Variants in ANKS6 observed in about 807,000 individuals in gnomAD.
The protein encoded by ANKS6 is ankyrin repeat and sterile alpha motif domain containing 6.
ANKS6 carries 47 observed loss-of-function variants against 77.9 expected under a neutral mutation model. That is an observed-to-expected ratio of 0.60 (90% CI 0.48 to 0.77). The LOEUF (loss-of-function observed/expected upper bound fraction) is 0.77. Among genes scored for constraint, ANKS6 ranks in the 30% least tolerant of loss-of-function variants. The pLI is 0.00. For missense variants in ANKS6, 1,150 were observed against 1,159.1 expected, an observed-to-expected ratio of 0.99 and a Z score of 0.11; for synonymous variants, 488 against 501.7, an observed-to-expected ratio of 0.97 and a Z score of 0.37.
At position 98,740,006 on chromosome 9, in the gene ANKS6, C is replaced by T. The variant is rs528405018; in HGVS notation, c.2512-3383G>A. Among the ~76,000 whole-genome samples, 124 of 152,074 alleles carry T rather than the reference C, an allele frequency of 8.2e-4. 1 individual carries two copies. Among genetic ancestry groups the T allele is most frequent in the African/African-American group, 2.9e-3 (119 of 41,468 alleles). On this transcript the variant is annotated intron_variant, in intron 14 of 14. Transcript: ENST00000353234. ...TCCTGACCTCGTGATCCGCCCGCCT[C>T]GGCCTCCCAAAGTGGGATTAAACAT... is the stretch of plus-strand genomic sequence containing the variant.
chr9:98,781,423 C>T (rs1834248810), intron 5 of ANKS6, among the ~76,000 whole-genome samples: 1 of 152,154 alleles, frequency 6.6e-6, no homozygotes, highest in Admixed American at 6.5e-5. Flanking sequence ...TGGCTGCGGA[C>T]TGATTCCGAA....
At chr9:98,782,175 G>T (rs1588404303) in intron 5 of ANKS6, among the ~76,000 whole-genome samples, 1 of 152,184 alleles carries the variant, frequency 6.6e-6, no homozygotes, top group South Asian at 2.1e-4. Flanking sequence ...CCATTCTAGG[G>T]TGTGTGTGGA....
Position 98,735,847 on chromosome 9 carries a change from G to C in ANKS6, c.*672C>G. The C allele has an allele frequency of 8.1e-7, 1 of 1,231,784 alleles. No homozygotes were observed. The highest frequency in any genetic ancestry group is 1.0e-6 in the Non-Finnish European group (1 of 988,032). 76.3% of individuals were successfully genotyped at this position (1,231,784 alleles called of 1,614,324 possible). A position where few individuals can be genotyped will look rare whatever the true frequency, so the allele number is the denominator to read the frequency against. ...CTGTATGCAGCAGGTGCAGTGGAAT[G>C]CTACAGCAGTCACATACACAGCACT... On this transcript the variant is annotated 3_prime_UTR_variant, in exon 15 of 15. Coordinates refer to ENST00000353234, the MANE Select transcript of ANKS6 (RefSeq NM_173551.5).
chr9:98,756,577 T>A lies in ANKS6; in HGVS notation c.2169A>T (p.Pro723=), dbSNP rs372906336. 1.3e-5 allele frequency: 20 copies of A among 1,551,836 alleles called. No individual in the cohort carries two copies. The highest frequency in any genetic ancestry group is 1.6e-5 in the Non-Finnish European group (19 of 1,152,514). The change falls in exon 12 of 15, where the codon CCA becomes CCT. Residue 723 remains proline (P), a synonymous_variant. Coordinates refer to ENST00000353234, the MANE Select transcript of ANKS6 (RefSeq NM_173551.5). ...GKKLETSKRP[P]SGTSTTSKST... ...TCTTGGAGGTAGTGGAAGTTCCAGA[T>A]GGAGGCCTTTTGCTGGTCTCCAATT...
intron 8 of ANKS6, among the ~76,000 whole-genome samples, chr9:98,776,631 C>A (rs1833935604): frequency 6.6e-6 from 1 of 152,146 alleles, no homozygotes; most frequent in Non-Finnish European, 1.5e-5. Flanking sequence ...AAACTCCTGA[C>A]CTCACGTGAT....
At chr9:98,779,595 T>C (rs1834116040) in intron 6 of ANKS6, among the ~76,000 whole-genome samples, 1 of 151,846 alleles carries the variant, frequency 6.6e-6, no homozygotes, top group Admixed American at 6.6e-5. Flanking sequence ...CAAGTTCTTG[T>C]TCTGTCGCCC....
At chr9:98,771,532 C>T (rs958236327) in intron 9 of ANKS6, among the ~76,000 whole-genome samples, 1 of 152,208 alleles carries the variant, frequency 6.6e-6, no homozygotes, top group Non-Finnish European at 1.5e-5. Context: ...CCCCATTGTC[C>T]CTGGTGCCAG....
In ANKS6 at chr9:98,791,847, C is replaced by T. The variant is rs888827173; in HGVS notation, c.360-1241G>A. 1.3e-5 allele frequency among the ~76,000 whole-genome samples: 2 copies of T among 152,164 alleles called. No homozygotes were observed. Among genetic ancestry groups the T allele is most frequent in the African/African-American group, 2.4e-5 (1 of 41,438 alleles). Reference sequence around the variant, plus strand: ...CCTTCTGGGATGTGAACCTGAACAGCATGGGGCTACTCAGCCACGAAGCAA... The same window carrying T: ...CCTTCTGGGATGTGAACCTGAACAGTATGGGGCTACTCAGCCACGAAGCAA... On this transcript the variant is annotated intron_variant, in intron 1 of 14. Coordinates refer to ENST00000353234, the MANE Select transcript of ANKS6 (RefSeq NM_173551.5). The surrounding 1 kb of genome is among the most constrained non-coding windows in gnomAD (Gnocchi z 4.3).
At position 98,733,065 on chromosome 9, in the gene ANKS6, C is replaced by G. The variant is rs796189076; in HGVS notation, c.*3454G>C. 86 of 802,414 alleles carry G rather than the reference C, an allele frequency of 1.1e-4. No individual in the cohort carries two copies. The African/African-American group carries it at 1.5e-3, about 14-fold the overall frequency. 49.7% of individuals were successfully genotyped at this position (802,414 alleles called of 1,614,324 possible). On this transcript the variant is annotated 3_prime_UTR_variant, in exon 15 of 15. Coordinates refer to ENST00000353234, the MANE Select transcript of ANKS6 (RefSeq NM_173551.5). ...TACCCAGCAGGCTTCATCACCACAC[C>G]ATCTCACCGACATGATTGTCTCCTC...
At chr9:98,750,205 C>A (rs1043600953) in intron 13 of ANKS6, among the ~76,000 whole-genome samples, 2 of 152,210 alleles carry the variant, frequency 1.3e-5, no homozygotes, top group African/African-American at 4.8e-5. Context: ...AACTCTCTGG[C>A]AACCACGAAT....
intron 11 of ANKS6, among the ~76,000 whole-genome samples, chr9:98,761,060 T>A (rs779950448): frequency 1.2e-4 from 18 of 152,246 alleles, no homozygotes; most frequent in Non-Finnish European, 2.4e-4. Flanking sequence ...TGTACCTTTT[T>A]AAATATTAGC....
rs1180960955 is a variant in ANKS6 at position 98,745,611 on chromosome 9, T to A, written c.2459A>T (p.Asp820Val). The stretch of plus-strand genomic sequence containing the variant: ...TGCCAGAATCTGCTGCCTGGACCCA[T>A]CTGTCTTAATTCCCAGCTCCTTCAA... ...GDLKELGIKT[D>V]GSRQQILAAI... Residue 820 changes from aspartate to valine, a missense_variant, in exon 14 of 15, where the codon GAT becomes GTT. Asp to Val is a radical substitution (Grantham distance 152). Coordinates refer to ENST00000353234, the MANE Select transcript of ANKS6 (RefSeq NM_173551.5). The A allele has an allele frequency of 6.2e-7, 1 of 1,614,034 alleles. No homozygotes were observed. The highest frequency in any genetic ancestry group is 1.3e-5 in the African/African-American group (1 of 74,912).
rs1320650012 is a variant in ANKS6 at position 98,774,151 on chromosome 9, T to A, written c.1618-71A>T. On this transcript the variant is annotated intron_variant, in intron 8 of 14. Transcript: ENST00000353234. Reference sequence around the variant, plus strand: ...CCAACTCTGCAGGAAAGACTCCATGTTTTTCCTGCTTCTTGGGGCATGGCA... The same window carrying A: ...CCAACTCTGCAGGAAAGACTCCATGATTTTCCTGCTTCTTGGGGCATGGCA... 2.0e-5 allele frequency: 26 copies of A among 1,302,626 alleles called. No homozygotes were observed. In the East Asian group the frequency reaches 7.3e-4, roughly 37 times the overall value. The allele number at this position is 1,302,626 out of a possible 1,614,324, so 80.7% of individuals were successfully genotyped here.
chr9:98,775,155 C>A (rs1438150911), intron 8 of ANKS6, among the ~76,000 whole-genome samples: 1 of 152,258 alleles, frequency 6.6e-6, no homozygotes, highest in Non-Finnish European at 1.5e-5. Context: ...CTCACAGCGA[C>A]AAATCCACCA....
rs1156813166 is a variant in ANKS6 at position 98,745,544 on chromosome 9, A to C, written c.2511+15T>G. ...ATGTCTGAAACACGGAAATACAAGA[A>C]ACAGAGAACGGTACCTTGCCTGCGT... On this transcript the variant is annotated intron_variant, in intron 14 of 14. Coordinates refer to ENST00000353234, the MANE Select transcript of ANKS6 (RefSeq NM_173551.5). 6.2e-7 allele frequency: 1 copy of C among 1,603,502 alleles called. No homozygotes were observed. Among genetic ancestry groups the C allele is most frequent in the Non-Finnish European group, 8.5e-7 (1 of 1,170,266 alleles).
chr9:98,792,594 A>G (rs1005462451), intron 1 of ANKS6, among the ~76,000 whole-genome samples: 7 of 152,252 alleles, frequency 4.6e-5, no homozygotes, highest in African/African-American at 1.7e-4. Context: ...GTACATTTCT[A>G]AAAGATTACA....
In ANKS6 at chr9:98,778,134, C is replaced by A; in HGVS notation, c.1567+92G>T. On this transcript the variant is annotated intron_variant, in intron 7 of 14. Transcript: ENST00000353234. ...GTGTCCCATTCCAACATCATCTTAC[C>A]CCTGACAGCAACCCAGGAGGTAGGA... 3 of 1,437,760 alleles carry A rather than the reference C, an allele frequency of 2.1e-6. No individual in the cohort carries two copies. In the Admixed American group the frequency reaches 6.1e-5, roughly 29 times the overall value. The allele number at this position is 1,437,760 out of a possible 1,614,324, so 89.1% of individuals were successfully genotyped here. A position where few individuals can be genotyped will look rare whatever the true frequency, so the allele number is the denominator to read the frequency against.
Position 98,790,222 on chromosome 9 carries a change from G to A in ANKS6, c.744C>T (p.Gly248=), listed in dbSNP as rs761454398. The A allele has an allele frequency of 1.2e-5, 19 of 1,607,438 alleles. No individual in the cohort carries two copies. The highest frequency in any genetic ancestry group is 1.7e-4 in the Middle Eastern group (1 of 6,050). Residue 248 remains glycine (G), a synonymous_variant, in exon 2 of 15, where the codon GGC becomes GGT. Transcript: ENST00000353234. ...GCACGCTGAGGTGGTCAGGGTTGGC[G>A]CCCTTCTCCACCAGCTGCTGGGCCA... ...LGVAQQLVEK[G]ANPDHLSVLE...
chr9:98,765,869 G>T (rs1418896012), intron 11 of ANKS6, among the ~76,000 whole-genome samples: 2 of 152,186 alleles, frequency 1.3e-5, no homozygotes, highest in Non-Finnish European at 2.9e-5. Flanking sequence ...AGGCTCATAT[G>T]TTGAATACTA....
Sources: gnomAD v4.1 joint callset for allele counts (sites outside exome capture counted in the v4.1 genomes callset) on GRCh38, gnomAD v4.1.1 for gene constraint, Gnocchi (gnomAD v3.1) non-coding constraint, MANE v1.5 for transcripts, NCBI Gene and HGNC (gene_info 2026-07-23, HGNC 2026-07-21) for gene names.